Variants in ARHGAP31 observed in about 807,000 individuals in gnomAD.
ARHGAP31 encodes rho GTPase-activating protein 31.
Under a neutral mutation model 113.9 loss-of-function variants are expected in ARHGAP31, and 34 were observed. The ratio of observed to expected loss-of-function variants is 0.30; its 90% CI spans 0.23 to 0.40. The LOEUF is 0.40. ARHGAP31 is among the 10% of genes least tolerant of loss of function. The pLI is 1.00. For synonymous variants in ARHGAP31, 650 were observed against 684.8 expected (o/e 0.95, Z 0.79); for missense variants, 1,548 against 1,767.1 (o/e 0.88, Z 2.22).
At chr3:119,359,903 A>C (rs2107620291) in intron 1 of ARHGAP31, among the ~76,000 whole-genome samples, 1 of 151,824 alleles carries the variant, frequency 6.6e-6, no homozygotes, top group Middle Eastern at 3.5e-3. Flanking sequence ...ACAGATGCTT[A>C]CAGGATTTCT....
At chr3:119,329,704 A>G (rs1167075898) in intron 1 of ARHGAP31, 1 of 758,520 alleles carries the variant, frequency 1.3e-6, no homozygotes, top group Non-Finnish European at 1.6e-6. Flanking sequence ...GAACTTCGAA[A>G]CAGGACTTGG....
At chr3:119,381,208 G>A (rs2080394112) in intron 4 of ARHGAP31, among the ~76,000 whole-genome samples, 1 of 152,124 alleles carries the variant, frequency 6.6e-6, no homozygotes, top group Non-Finnish European at 1.5e-5. Flanking sequence ...ATCACCTGCA[G>A]AACACCCCTC....
intron 8 of ARHGAP31, among the ~76,000 whole-genome samples, chr3:119,396,863 A>T (rs1181330644): frequency 1.3e-5 from 2 of 152,242 alleles, no homozygotes; most frequent in Non-Finnish European, 2.9e-5. Flanking sequence ...CTGAATTAAG[A>T]TGCACAAACT....
At chr3:119,312,775 C>T (rs2079694145) in intron 1 of ARHGAP31, among the ~76,000 whole-genome samples, 1 of 152,144 alleles carries the variant, frequency 6.6e-6, no homozygotes, top group Non-Finnish European at 1.5e-5. Context: ...ATCTGTGCTG[C>T]CCAGTGTGGC....
chr3:119,399,225 A>G lies in ARHGAP31; in HGVS notation c.1033A>G (p.Lys345Glu). The G allele has an allele frequency of 6.2e-7, 1 of 1,613,756 alleles. No homozygotes were observed. The highest frequency in any genetic ancestry group is 8.5e-7 in the Non-Finnish European group (1 of 1,179,596). The change falls in exon 9 of 12, where the codon AAA becomes GAA. Residue 345 changes from lysine to glutamate, a missense_variant. By Grantham distance (56) the Lys-to-Glu change is moderately conservative. Transcript: ENST00000264245. ...GGAAAAGGCTACTATCCGACCAGCT[A>G]AAAGCATGGACTCACTATGTTCAGT... ...SVEKATIRPA[K>E]SMDSLCSVPV...
chr3:119,321,406 T>C (rs1241066694), intron 1 of ARHGAP31, among the ~76,000 whole-genome samples: 1 of 148,856 alleles, frequency 6.7e-6, no homozygotes, highest in African/African-American at 2.4e-5. Context: ...TGTAGATAAA[T>C]TGGGAAATAC....
At chr3:119,300,073 T>C (rs1366267785) in intron 1 of ARHGAP31, among the ~76,000 whole-genome samples, 1 of 152,122 alleles carries the variant, frequency 6.6e-6, no homozygotes, top group Admixed American at 6.5e-5. Flanking sequence ...CTATTAGGAG[T>C]TTTGGAAACT....
rs550918989 is a variant in ARHGAP31 at position 119,296,942 on chromosome 3, G to C, written c.100+1938G>C. On this transcript the variant is annotated intron_variant, in intron 1 of 11. Transcript: ENST00000264245. ...TGCCCTCCCTGGCTTCTGTGTCTAA[G>C]CCAACATTCTCTTCTAATGATATTT... Among the ~76,000 whole-genome samples, 4 of 152,224 alleles carry C rather than the reference G, an allele frequency of 2.6e-5. No homozygotes were observed. In the South Asian group the frequency reaches 6.2e-4, roughly 24 times the overall value.
chr3:119,418,606 G>C lies in ARHGAP31; in HGVS notation c.*2342G>C, dbSNP rs948305061. On this transcript the variant is annotated 3_prime_UTR_variant, in exon 12 of 12. Coordinates refer to ENST00000264245, the MANE Select transcript of ARHGAP31 (RefSeq NM_020754.4). ...ATTTATAAGATCTATTTTTATTTGG[G>C]GATAGACTGAGAAGCCACCATTTAC... The C allele has an allele frequency of 1.3e-5, 2 of 152,134 alleles. No individual in the cohort carries two copies. Among genetic ancestry groups the C allele is most frequent in the African/African-American group, 4.8e-5 (2 of 41,434 alleles). The allele number at this position is 152,134 out of a possible 1,614,324, so 9.4% of individuals were successfully genotyped here.
intron 1 of ARHGAP31, among the ~76,000 whole-genome samples, chr3:119,348,888 A>G (rs4687848): frequency 0.18 from 27,234 of 152,166 alleles, 3,416 homozygotes; most frequent in African/African-American, 0.36. Flanking sequence ...CTGAGAGCAG[A>G]GGTATAACAA....
At chr3:119,300,028 G>A (rs763054263) in intron 1 of ARHGAP31, among the ~76,000 whole-genome samples, 6 of 152,232 alleles carry the variant, frequency 3.9e-5, no homozygotes, top group South Asian at 4.2e-4. Flanking sequence ...GGAAACCTCC[G>A]ATCCTCCTGA....
At chr3:119,316,043 G>A (rs2079727525) in intron 1 of ARHGAP31, among the ~76,000 whole-genome samples, 1 of 152,186 alleles carries the variant, frequency 6.6e-6, no homozygotes, top group Admixed American at 6.5e-5. Flanking sequence ...CACCAAATCT[G>A]TGGCCTTTAC....
chr3:119,324,984 G>T (rs754335278), intron 1 of ARHGAP31: 21 of 456,624 alleles, frequency 4.6e-5, no homozygotes, highest in Admixed American at 3.1e-4. Context: ...TACTCCTCAT[G>T]TCAATAGTGG....
rs886057794 is a variant in ARHGAP31 at position 119,294,696 on chromosome 3, C to T, written c.-209C>T. 9.7e-5 allele frequency: 58 copies of T among 596,928 alleles called. No homozygotes were observed. Among genetic ancestry groups the T allele is most frequent in the Admixed American group, 3.7e-4 (12 of 32,276 alleles). 37.0% of individuals were successfully genotyped at this position (596,928 alleles called of 1,614,324 possible). ...GTCTGCACGGCCTCGGCACGGCGGC[C>T]CCGGAGCGGCGCGGGGTGGATCTCA... On this transcript the variant is annotated 5_prime_UTR_variant, in exon 1 of 12. Coordinates refer to ENST00000264245, the MANE Select transcript of ARHGAP31 (RefSeq NM_020754.4).
chr3:119,336,448 G>A (rs963719324), intron 1 of ARHGAP31, among the ~76,000 whole-genome samples: 1 of 152,096 alleles, frequency 6.6e-6, no homozygotes, highest in African/African-American at 2.4e-5. Flanking sequence ...GCGGGAGAGG[G>A]ACACCTTGCA....
chr3:119,369,344 T>C (rs1349599753), intron 3 of ARHGAP31, among the ~76,000 whole-genome samples: 1 of 152,148 alleles, frequency 6.6e-6, no homozygotes, highest in Non-Finnish European at 1.5e-5. Context: ...TGGAATGTAG[T>C]GTAGATACGA....
At chr3:119,411,293 C>T (rs1472763027) in intron 11 of ARHGAP31, among the ~76,000 whole-genome samples, 1 of 151,920 alleles carries the variant, frequency 6.6e-6, no homozygotes, top group Non-Finnish European at 1.5e-5. Flanking sequence ...AAAGGAGGCA[C>T]GAATGCATCA....
chr3:119,377,981 C>T (rs2080363184), intron 3 of ARHGAP31, among the ~76,000 whole-genome samples: 3 of 152,196 alleles, frequency 2.0e-5, no homozygotes, highest in Admixed American at 2.0e-4. Flanking sequence ...ACTGTGGTGG[C>T]TTTGAGTAAA....
chr3:119,384,134 C>T (rs1415354314), intron 6 of ARHGAP31, among the ~76,000 whole-genome samples: 1 of 152,170 alleles, frequency 6.6e-6, no homozygotes, highest in African/African-American at 2.4e-5. Flanking sequence ...CTTTCCAGTT[C>T]ATCCAATATT....
Sources: gnomAD v4.1 joint callset for allele counts (sites outside exome capture counted in the v4.1 genomes callset) on GRCh38, gnomAD v4.1.1 for gene constraint, MANE v1.5 for transcripts, NCBI Gene and HGNC (gene_info 2026-07-23, HGNC 2026-07-21) for gene names.